Variants in SNF8 observed in about 807,000 individuals in gnomAD.
SNF8 encodes the protein SNF8 subunit of ESCRT-II, also known as vacuolar-sorting protein SNF8.
A neutral mutation model predicts 36.8 loss-of-function variants in SNF8; 19 were observed. The ratio of observed to expected loss-of-function variants is 0.52; its 90% CI spans 0.36 to 0.76. SNF8 has a LOEUF of 0.76. Ranked by LOEUF, SNF8 falls within the 30% of genes least tolerant of loss-of-function variation. The pLI is 0.00. For missense variants in SNF8, 268 were observed against 322.9 expected (o/e 0.83, Z 1.30); for synonymous variants, 127 against 127.4 (o/e 1.00, Z 0.02).
chr17:48,933,484 A>C (rs1319832886), intron 5 of SNF8, 138 bp from the exon 6 acceptor site: 2 of 949,926 alleles, frequency 2.1e-6, no homozygotes, highest in African/African-American at 1.6e-5. Flanking sequence ...TCATACCCAT[A>C]ATCGCAACAC....
Position 48,943,940 on chromosome 17 carries a change from C to T in SNF8, c.90G>A (p.Glu30=). The change falls in exon 2 of 8, where the codon GAG becomes GAA. Residue 30 remains glutamate (E), a synonymous_variant. Transcript: ENST00000502492. The part of the protein sequence containing the change: ...KYKERGTVLA[E]DQLAQMSKQL... ...ACCGACTTACCTGGGCTAGCTGGTC[C>T]TCAGCCAAGACCGTCCCTCGCTCCT... The T allele has an allele frequency of 6.2e-7, 1 of 1,614,038 alleles. No individual in the cohort carries two copies.
intron 7 of SNF8, 49 bp from the exon 8 acceptor site, chr17:48,930,661 A>G (rs2040844783): frequency 1.9e-6 from 3 of 1,584,860 alleles, no homozygotes; most frequent in African/African-American, 1.3e-5. Context: ...GAGGTTCCAT[A>G]GACAAAGGGT....
chr17:48,938,920 C>A (rs973097222), intron 3 of SNF8, among the ~76,000 whole-genome samples: 2 of 151,390 alleles, frequency 1.3e-5, no homozygotes, highest in African/African-American at 4.9e-5. Context: ...GCCTGGCACA[C>A]AAATAAATAT....
At chr17:48,932,222 A>G (rs1439340710) in intron 6 of SNF8, 1 of 152,498 alleles carries the variant, frequency 6.6e-6, no homozygotes, top group Admixed American at 6.5e-5. Context: ...CTCCATCTCA[A>G]AAAACAAAAA....
intron 2 of SNF8, among the ~76,000 whole-genome samples, chr17:48,942,604 A>C (rs1484234092): frequency 6.6e-6 from 1 of 152,104 alleles, no homozygotes; most frequent in African/African-American, 2.4e-5. Context: ...TCACTCACAC[A>C]CTGTCCTGGT....
Position 48,936,617 on chromosome 17 carries a change from G to A in SNF8, c.350-375C>T, listed in dbSNP as rs748133075. 1.6e-4 allele frequency: 49 copies of A among 308,920 alleles called. 1 individual carries two copies. Among genetic ancestry groups the A allele is most frequent in the Middle Eastern group, 1.0e-3 (1 of 964 alleles). 19.1% of individuals were successfully genotyped at this position (308,920 alleles called of 1,614,324 possible). On this transcript the variant is annotated intron_variant, in intron 4 of 7. Transcript: ENST00000502492. ...CTTACTAAGAAAGATGGCATCACCA[G>A]ATGACAAATTTTAAGGTCACATTTT...
At chr17:48,935,120 C>T (rs1435852258) in intron 5 of SNF8, among the ~76,000 whole-genome samples, 6 of 152,156 alleles carry the variant, frequency 3.9e-5, no homozygotes, top group Admixed American at 2.0e-4. Context: ...CCTGTAATCC[C>T]AGCACTTTGG....
chr17:48,942,054 G>A (rs867730820), intron 2 of SNF8, among the ~76,000 whole-genome samples: 3 of 151,996 alleles, frequency 2.0e-5, no homozygotes, highest in Middle Eastern at 3.4e-3. Flanking sequence ...AACCTCCCTG[G>A]GGATCAACTC....
At chr17:48,937,461 CTAATAATAA>C (rs1205040245) in intron 3 of SNF8, among the ~76,000 whole-genome samples, 1 of 119,194 alleles carries the variant, frequency 8.4e-6, no homozygotes, top group African/African-American at 2.5e-5. Context: ...AACCCCATCT[CTAATAATAA>C]TAATAATAAA....
At chr17:48,933,421 G>T (rs182289954) in intron 5 of SNF8, 75 bp from the exon 6 acceptor site, 50 of 1,530,804 alleles carry the variant, frequency 3.3e-5, no homozygotes, top group Admixed American at 9.1e-5. Flanking sequence ...TCTGCCCTGG[G>T]CAGGATACTG....
chr17:48,941,815 C>T (rs943148963), intron 2 of SNF8, among the ~76,000 whole-genome samples: 3 of 151,920 alleles, frequency 2.0e-5, no homozygotes, highest in Non-Finnish European at 4.4e-5. Context: ...CTCAGCCTCC[C>T]GACTAGTTGG....
intron 5 of SNF8, chr17:48,935,907 C>G (rs2040927123): frequency 6.0e-6 from 2 of 331,948 alleles, no homozygotes; most frequent in South Asian, 9.2e-5. Context: ...GGGAGGATTA[C>G]TTGAGCCCAA....
intron 5 of SNF8, among the ~76,000 whole-genome samples, chr17:48,935,081 A>C (rs1278023659): frequency 1.3e-5 from 2 of 152,108 alleles, no homozygotes; most frequent in African/African-American, 4.8e-5. Context: ...ACGACTATAT[A>C]CAGCCCTGGC....
intron 5 of SNF8, 73 bp downstream of exon 5, chr17:48,936,096 TA>T (rs2040930343): frequency 9.7e-7 from 1 of 1,031,340 alleles, no homozygotes; most frequent in Admixed American, 1.8e-5. Flanking sequence ...ACATGAGGAA[TA>T]GGGAGAAAAG....
intron 2 of SNF8, among the ~76,000 whole-genome samples, chr17:48,943,527 G>C (rs2041061232): frequency 6.6e-6 from 1 of 152,122 alleles, no homozygotes; most frequent in Non-Finnish European, 1.5e-5. Flanking sequence ...AGAATCACTT[G>C]AACCCAGGAA....
chr17:48,933,488 G>T, intron 5 of SNF8, 142 bp from the exon 6 acceptor site: 1 of 927,642 alleles, frequency 1.1e-6, no homozygotes, highest in Middle Eastern at 3.0e-4. Flanking sequence ...ACCCATAATC[G>T]CAACACTTTT....
Position 48,930,311 on chromosome 17 carries a change from C to G in SNF8, c.*164G>C. On this transcript the variant is annotated 3_prime_UTR_variant, in exon 8 of 8. Transcript: ENST00000502492. ...CTTACTGAACGAGCGAGGTTTTCCTCCAATAAAAATGCAACGTGAAGGCAC... is the reference window on the plus strand; with the variant it reads ...CTTACTGAACGAGCGAGGTTTTCCTGCAATAAAAATGCAACGTGAAGGCAC... 1 of 696,854 alleles carries G rather than the reference C, an allele frequency of 1.4e-6. No individual in the cohort carries two copies. Among genetic ancestry groups the G allele is most frequent in the Non-Finnish European group, 2.2e-6 (1 of 449,584 alleles). The allele number at this position is 696,854 out of a possible 1,614,324, so 43.2% of individuals were successfully genotyped here. A position where few individuals can be genotyped will look rare whatever the true frequency, so the allele number is the denominator to read the frequency against.
chr17:48,933,035 C>G (rs2143795191), intron 6 of SNF8, 170 bp downstream of exon 6: 1 of 650,974 alleles, frequency 1.5e-6, no homozygotes, highest in East Asian at 2.8e-5. Flanking sequence ...GTGCTTTGCA[C>G]TGTAGCTGCT....
rs2040831096 is a variant in SNF8, at chr17:48,929,826, T to C, written c.*649A>G. 1 of 152,178 alleles carries C rather than the reference T, an allele frequency of 6.6e-6. No individual in the cohort carries two copies. The highest frequency in any genetic ancestry group is 1.5e-5 in the Non-Finnish European group (1 of 68,032). 9.4% of individuals were successfully genotyped at this position (152,178 alleles called of 1,614,324 possible). On this transcript the variant is annotated 3_prime_UTR_variant, in exon 8 of 8. Coordinates refer to ENST00000502492, the MANE Select transcript of SNF8 (RefSeq NM_007241.4). ...GTAGGTGTTCAGTAAATGACTCCCT[T>C]TCCCACTACTGAGGCTAGAGGGACC...
Sources: allele counts gnomAD v4.1 joint callset (sites outside exome capture counted in the v4.1 genomes callset), GRCh38; gene constraint gnomAD v4.1.1; transcripts MANE v1.5; gene names NCBI Gene and HGNC (gene_info 2026-07-23, HGNC 2026-07-21).